Variants in ABI1 observed in about 807,000 individuals in gnomAD.
ABI1 encodes abl interactor 1, also known as Abelson interactor 1.
A neutral mutation model predicts 54.6 loss-of-function variants in ABI1; 14 were observed. The ratio of observed to expected loss-of-function variants is 0.26; its 90% confidence interval spans 0.17 to 0.40. The LOEUF is 0.40. ABI1 is among the 10% of genes least tolerant of loss of function. The pLI is 1.00. For missense variants in ABI1, 443 were observed against 598.3 expected (o/e 0.74, Z 2.71); for synonymous variants, 194 against 209.3 (o/e 0.93, Z 0.63).
chr10:26,827,473 C>T (rs982290456), intron 1 of ABI1, among the ~76,000 whole-genome samples: 11 of 151,750 alleles, frequency 7.2e-5, no homozygotes, highest in East Asian at 1.9e-4. Flanking sequence ...CATCCACCTC[C>T]GCCTCCCAAA....
intron 1 of ABI1, among the ~76,000 whole-genome samples, chr10:26,840,072 G>GT (rs1384980520): frequency 5.9e-5 from 9 of 152,114 alleles, no homozygotes; most frequent in African/African-American, 2.4e-5. Context: ...TCCATCGATT[G>GT]TATTTCCTCA....
intron 2 of ABI1, among the ~76,000 whole-genome samples, chr10:26,783,681 T>A (rs1842405128): frequency 6.6e-6 from 1 of 152,210 alleles, no homozygotes; most frequent in African/African-American, 2.4e-5. Flanking sequence ...TGGTCTACTC[T>A]CTGGGTGGCA....
chr10:26,769,335 T>C (rs1253310277), intron 5 of ABI1, among the ~76,000 whole-genome samples: 1 of 152,176 alleles, frequency 6.6e-6, no homozygotes, highest in Non-Finnish European at 1.5e-5. Flanking sequence ...TAAGCCACTG[T>C]TCTTTAAACA....
At chr10:26,837,492 C>A (rs1474671882) in intron 1 of ABI1, among the ~76,000 whole-genome samples, 4 of 152,184 alleles carry the variant, frequency 2.6e-5, no homozygotes, top group Non-Finnish European at 4.4e-5. Flanking sequence ...CAGGGGGACA[C>A]AATTCTATTC....
chr10:26,822,352 T>C (rs186311818), intron 2 of ABI1, among the ~76,000 whole-genome samples: 1 of 152,282 alleles, frequency 6.6e-6, no homozygotes, highest in East Asian at 1.9e-4. Flanking sequence ...GACCTCTCCA[T>C]TCTGCACAGA....
intron 1 of ABI1, among the ~76,000 whole-genome samples, chr10:26,839,120 A>C (rs1349003844): frequency 6.6e-6 from 1 of 152,232 alleles, no homozygotes. Context: ...CTATAAATGG[A>C]AGAAACAAAA....
intron 2 of ABI1, among the ~76,000 whole-genome samples, chr10:26,810,227 C>G (rs569719224): frequency 6.6e-6 from 1 of 152,160 alleles, no homozygotes; most frequent in South Asian, 2.1e-4. Flanking sequence ...AATACCAAAC[C>G]CCTAACAGAA....
At chr10:26,857,235 C>T (rs1175431809) in intron 1 of ABI1, among the ~76,000 whole-genome samples, 3 of 142,444 alleles carry the variant, frequency 2.1e-5, no homozygotes, top group East Asian at 2.1e-4. Context: ...GCAGGAGAAT[C>T]GCTTGAACCC....
chr10:26,768,787 G>A (rs1405891545), intron 6 of ABI1, 65 bp downstream of exon 6: 15 of 1,450,574 alleles, frequency 1.0e-5, no homozygotes, highest in African/African-American at 1.4e-5. Context: ...CACCTCCATA[G>A]GAGTTTGTCG....
At chr10:26,839,131 ATTAAACAT>A (rs1440052937) in intron 1 of ABI1, among the ~76,000 whole-genome samples, 2 of 152,232 alleles carry the variant, frequency 1.3e-5, no homozygotes, top group Non-Finnish European at 2.9e-5. Flanking sequence ...AGAAACAAAA[ATTAAACAT>A]TTAACACGTT....
At chr10:26,829,827 A>G (rs1318609038) in intron 1 of ABI1, among the ~76,000 whole-genome samples, 1 of 152,182 alleles carries the variant, frequency 6.6e-6, no homozygotes, top group Non-Finnish European at 1.5e-5. Flanking sequence ...TTGGATGAGG[A>G]AGGGAGGTCA....
intron 1 of ABI1, among the ~76,000 whole-genome samples, chr10:26,853,312 TA>T (rs370875442): frequency 0.041 from 5,905 of 143,026 alleles, 445 homozygotes; most frequent in African/African-American, 0.15. Flanking sequence ...TTTTTTTTTT[TA>T]AAAAAAATCC....
At chr10:26,762,993 A>G (rs920097170) in intron 7 of ABI1, among the ~76,000 whole-genome samples, 3 of 152,096 alleles carry the variant, frequency 2.0e-5, no homozygotes, top group Non-Finnish European at 4.4e-5. Context: ...CTACCTTTTT[A>G]CCTGTCTGCT....
chr10:26,802,034 GA>G (rs1300855329), intron 2 of ABI1, among the ~76,000 whole-genome samples: 1 of 152,196 alleles, frequency 6.6e-6, no homozygotes, highest in Non-Finnish European at 1.5e-5. Context: ...AGAAACAGGG[GA>G]AAACCACCCT....
At chr10:26,822,637 T>C (rs151137927) in intron 2 of ABI1, among the ~76,000 whole-genome samples, 1 of 152,140 alleles carries the variant, frequency 6.6e-6, no homozygotes, top group Non-Finnish European at 1.5e-5. Context: ...ATTCCATTTA[T>C]ATAAAAATTT....
chr10:26,837,840 C>T (rs1434638353), intron 1 of ABI1, among the ~76,000 whole-genome samples: 3 of 148,934 alleles, frequency 2.0e-5, no homozygotes, highest in African/African-American at 7.5e-5. Context: ...GTCTCAAATT[C>T]CAGGCCTCAA....
intron 3 of ABI1, among the ~76,000 whole-genome samples, chr10:26,775,598 C>T (rs1217419807): frequency 6.6e-6 from 1 of 152,114 alleles, no homozygotes; most frequent in Non-Finnish European, 1.5e-5. Context: ...GCTGTTTACA[C>T]CTCCCACTTA....
intron 5 of ABI1, among the ~76,000 whole-genome samples, chr10:26,769,556 C>G (rs1245920558): frequency 6.6e-6 from 1 of 151,734 alleles, no homozygotes; most frequent in African/African-American, 2.4e-5. Context: ...GTTGAACAAC[C>G]CCTCTGCCAA....
rs965739945 is a variant in ABI1, at chr10:26,860,720, C to A, written c.117+27G>T. The A allele has an allele frequency of 3.8e-6, 6 of 1,592,862 alleles. No individual in the cohort carries two copies. The highest frequency in any genetic ancestry group is 4.3e-6 in the Non-Finnish European group (5 of 1,161,796). On this transcript the variant is annotated intron_variant, in intron 1 of 10. Coordinates refer to ENST00000376140, the MANE Select transcript of ABI1 (RefSeq NM_001012750.3). This position sits in a 1 kb window ranked among gnomAD's most constrained non-coding sequence, Gnocchi z 4.1. ...TCCGGCGGGTCCTCGACCCGGCCAG[C>A]GCCCGCCGGCCGCCAGAGCGCCTCA...
Sources: allele counts gnomAD v4.1 joint callset (sites outside exome capture counted in the v4.1 genomes callset), GRCh38; gene constraint gnomAD v4.1.1; non-coding constraint Gnocchi (gnomAD v3.1); transcripts MANE v1.5; gene names NCBI Gene and HGNC (gene_info 2026-07-23, HGNC 2026-07-21).